The following GYS1 variants were observed in gnomAD, a reference collection of about 807,000 sequenced individuals.
The protein encoded by GYS1 is glycogen synthase 1.
A neutral mutation model predicts 89.1 loss-of-function variants in GYS1; 60 were observed. That is an observed-to-expected ratio of 0.67 (90% CI 0.55 to 0.84). The LOEUF is 0.84. Ranked by LOEUF, GYS1 falls within the 40% of genes least tolerant of loss-of-function variation. GYS1 has a pLI of 0.00. For synonymous variants in GYS1, 366 were observed against 401.7 expected (o/e 0.91, Z 1.06); for missense variants, 888 against 1,003.1 (o/e 0.89, Z 1.55).
At chr19:48,981,473 C>T (rs1195344414) in intron 8 of GYS1, 57 bp downstream of exon 8, 6 of 932,548 alleles carry the variant, frequency 6.4e-6, no homozygotes, top group Non-Finnish European at 9.0e-6. Context: ...AAACACAGGA[C>T]CCAAAGCATG....
intron 4 of GYS1, 46 bp from the exon 5 acceptor site, chr19:48,985,651 G>A: frequency 6.2e-7 from 1 of 1,607,114 alleles, no homozygotes; most frequent in Non-Finnish European, 8.5e-7. Flanking sequence ...TTGGGGAGAA[G>A]ACTCTGGAGG....
Position 48,969,230 on chromosome 19 carries a change from C to T in GYS1, c.*58G>A. Reference sequence around the variant, plus strand: ...GCGGGGGTTTAGGAGCAGCACCCCTCTGCATCCTCTCTCTGGAGCAGAGAG... The same window carrying T: ...GCGGGGGTTTAGGAGCAGCACCCCTTTGCATCCTCTCTCTGGAGCAGAGAG... On this transcript the variant is annotated 3_prime_UTR_variant, in exon 16 of 16. Transcript: ENST00000323798. 2 of 1,457,918 alleles carry T rather than the reference C, an allele frequency of 1.4e-6. No individual in the cohort carries two copies. The highest frequency in any genetic ancestry group is 1.8e-6 in the Non-Finnish European group (2 of 1,085,700). 90.3% of individuals were successfully genotyped at this position (1,457,918 alleles called of 1,614,324 possible).
rs2229612 is a variant in GYS1, at chr19:48,985,973, G to A, written c.555C>T (p.Gly185=). Residue 185 remains glycine, a synonymous_variant, in exon 4 of 16, where the codon GGC becomes GGT. Coordinates refer to ENST00000323798, the MANE Select transcript of GYS1 (RefSeq NM_002103.5). ...GGGCACGACACAGGCAGAGTCCAAC[G>A]CCTGCCAACCACTCATGGAAGTGAG... ...VVAHFHEWLA[G]VGLCLCRARR... is the part of the protein sequence containing the mutation. The A allele has an allele frequency of 1.5e-3, 2,367 of 1,614,146 alleles. 24 individuals carry two copies. Among genetic ancestry groups the A allele is most frequent in the African/African-American group, 5.8e-3 (433 of 75,050 alleles).
At chr19:48,969,919 T>G (rs2038531045) in intron 14 of GYS1, 64 bp from the exon 15 acceptor site, 1 of 1,109,276 alleles carries the variant, frequency 9.0e-7, no homozygotes. Flanking sequence ...AGGCAGATGA[T>G]GGGGGTCTTG....
intron 2 of GYS1, among the ~76,000 whole-genome samples, chr19:48,990,549 T>G (rs1335142488): frequency 6.6e-6 from 1 of 152,174 alleles, no homozygotes; most frequent in African/African-American, 2.4e-5. Context: ...GTAACAATAA[T>G]GACGATGATC....
At position 48,977,963 on chromosome 19, in the gene GYS1, T is replaced by C. The variant is rs1346169044; in HGVS notation, c.1269A>G (p.Glu423=). Residue 423 remains glutamate (E), a synonymous_variant, in exon 10 of 16, where the codon GAA becomes GAG. Coordinates refer to ENST00000323798, the MANE Select transcript of GYS1 (RefSeq NM_002103.5). ...TGGCTCTCTTCATCATAGTGAAGTC[T>C]TCCTTATCCAGCATCTTGTTCATGT... ...LPDMNKMLDK[E]DFTMMKRAIF... 5 of 1,613,930 alleles carry C rather than the reference T, an allele frequency of 3.1e-6. No individual in the cohort carries two copies. In the Admixed American group the frequency reaches 8.3e-5, roughly 27 times the overall value.
chr19:48,985,482 G>C lies in GYS1; in HGVS notation c.802C>G (p.His268Asp), dbSNP rs2122518752. 6.2e-7 allele frequency: 1 copy of C among 1,613,974 alleles called. No individual in the cohort carries two copies. Among genetic ancestry groups the C allele is most frequent in the East Asian group, 2.2e-5 (1 of 44,894 alleles). Residue 268 changes from histidine (H) to aspartate (D), a missense_variant, in exon 5 of 16, where the codon CAC becomes GAC. Transcript: ENST00000323798. ...VSQITAIEAQHLLKRKPDIVT... is the reference protein window; with the variant it reads ...VSQITAIEAQDLLKRKPDIVT... Reference sequence around the variant, plus strand: ...CTACCTGGTTTCCTCTTGAGCAAGTGCTGTGCCTCGATGGCGGTGATCTGG... The same window carrying C: ...CTACCTGGTTTCCTCTTGAGCAAGTCCTGTGCCTCGATGGCGGTGATCTGG...
At chr19:48,982,144 T>TG in intron 7 of GYS1, 111 bp downstream of exon 7, 1 of 1,113,594 alleles carries the variant, frequency 9.0e-7, no homozygotes, top group South Asian at 1.2e-5. Flanking sequence ...CCTCCCGCCT[T>TG]GGCCTCCAAA....
At chr19:48,978,704 G>A (rs1356828702) in intron 8 of GYS1, among the ~76,000 whole-genome samples, 1 of 150,176 alleles carries the variant, frequency 6.7e-6, no homozygotes, top group Admixed American at 6.6e-5. Context: ...GCTAATTTTT[G>A]TAACTTTAGT....
Position 48,991,019 on chromosome 19 carries a change from C to T in GYS1, c.300+283G>A, listed in dbSNP as rs532237126. 6.6e-6 allele frequency among the ~76,000 whole-genome samples: 1 copy of T among 152,324 alleles called. No homozygotes were observed. Among genetic ancestry groups the T allele is most frequent in the South Asian group, 2.1e-4 (1 of 4,822 alleles). On this transcript the variant is annotated intron_variant, in intron 2 of 15. Coordinates refer to ENST00000323798, the MANE Select transcript of GYS1 (RefSeq NM_002103.5). This position sits in a 1 kb window ranked among gnomAD's most constrained non-coding sequence, Gnocchi z 4.7. Reference sequence around the variant, plus strand: ...CATGTTGACCAGGCTGTCTTTCGATCTTGCTCTCTTTCTCTCTGGGTCTGA... The same window carrying T: ...CATGTTGACCAGGCTGTCTTTCGATTTTGCTCTCTTTCTCTCTGGGTCTGA...
chr19:48,973,552 A>G (rs1039200008), intron 12 of GYS1, among the ~76,000 whole-genome samples: 7 of 133,694 alleles, frequency 5.2e-5, no homozygotes, highest in Admixed American at 1.7e-4. Context: ...TCTGTCACCC[A>G]GAGCACAGCA....
In GYS1 at chr19:48,981,639, G is replaced by A. The variant is rs914623106; in HGVS notation, c.1063-3C>T. 1.9e-6 allele frequency: 3 copies of A among 1,597,376 alleles called. No individual in the cohort carries two copies. The highest frequency in any genetic ancestry group is 1.1e-5 in the South Asian group (1 of 90,730). ...ACTGTCTGCTCGCTGCCGTTCACCT[G>A]CGCAGAAAGAAAGGAGGGGGAGGCC... On this transcript the variant is annotated splice_region_variant and splice_polypyrimidine_tract_variant and intron_variant, in intron 7 of 15. Coordinates refer to ENST00000323798, the MANE Select transcript of GYS1 (RefSeq NM_002103.5).
intron 12 of GYS1, among the ~76,000 whole-genome samples, chr19:48,973,337 T>TA (rs397744301): frequency 5.3e-5 from 8 of 151,584 alleles, no homozygotes; most frequent in Non-Finnish European, 1.0e-4. Context: ...ATTTTTTTTT[T>TA]ATAGCGGTGT....
rs2038526132 is a variant in GYS1 at position 48,969,788 on chromosome 19, T to C, written c.1877A>G (p.Asn626Ser). Residue 626 changes from asparagine (N) to serine (S), a missense_variant, in exon 15 of 16, where the codon AAC becomes AGC. Physicochemically the swap from Asn to Ser is conservative, Grantham distance 46 (BLOSUM62 1). Coordinates refer to ENST00000323798, the MANE Select transcript of GYS1 (RefSeq NM_002103.5). ...AFPEHFTYEP[N>S]EADAAQGYRY... ...GGGTCCACTCACCGCATCCGCCTCGTTGGGCTCGTAGGTGAAGTGCTCTGG... is the reference window on the plus strand; with the variant it reads ...GGGTCCACTCACCGCATCCGCCTCGCTGGGCTCGTAGGTGAAGTGCTCTGG... 3 of 1,613,798 alleles carry C rather than the reference T, an allele frequency of 1.9e-6. No individual in the cohort carries two copies. The highest frequency in any genetic ancestry group is 4.5e-5 in the East Asian group (2 of 44,892).
In GYS1 at chr19:48,970,179, A is replaced by C. The variant is rs1291023742; in HGVS notation, c.1810-324T>G. 6.4e-6 allele frequency: 3 copies of C among 467,616 alleles called. No individual in the cohort carries two copies. In the East Asian group the frequency reaches 1.3e-4, roughly 20 times the overall value. 29.0% of individuals were successfully genotyped at this position (467,616 alleles called of 1,614,324 possible). A position where few individuals can be genotyped will look rare whatever the true frequency, so the allele number is the denominator to read the frequency against. On this transcript the variant is annotated intron_variant, in intron 14 of 15. Coordinates refer to ENST00000323798, the MANE Select transcript of GYS1 (RefSeq NM_002103.5). ...GTTCTGTTACTCTAGGATGGAGTGC[A>C]GTGGGTTTGAACAAGGCTCACTGCA...
rs1568628315 is a variant in GYS1, at chr19:48,993,086, C to T, written c.27G>A (p.Met9Ile). The T allele has an allele frequency of 6.2e-7, 1 of 1,611,914 alleles. No homozygotes were observed. Among genetic ancestry groups the T allele is most frequent in the East Asian group, 2.2e-5 (1 of 44,858 alleles). Residue 9 changes from methionine to isoleucine, a missense_variant, in exon 1 of 16, where the codon ATG becomes ATA. Transcript: ENST00000323798. ...AGTCCTCCAGTCCTGGCAGTGAGGACATGGACAAAGTGCGGTTTAAAGGCA... is the reference window on the plus strand; with the variant it reads ...AGTCCTCCAGTCCTGGCAGTGAGGATATGGACAAAGTGCGGTTTAAAGGCA... MPLNRTLS[M>I]SSLPGLEDWE...
intron 5 of GYS1, among the ~76,000 whole-genome samples, chr19:48,983,251 A>T (rs1208078146): frequency 2.6e-5 from 4 of 152,120 alleles, no homozygotes; most frequent in Non-Finnish European, 4.4e-5. Context: ...CTGGCCTCCT[A>T]AAGTGCTGGG....
chr19:48,975,094 T>A (rs11668492), intron 10 of GYS1, among the ~76,000 whole-genome samples: 1 of 151,808 alleles, frequency 6.6e-6, no homozygotes, highest in African/African-American at 2.4e-5. Flanking sequence ...CCACGCCCGG[T>A]TAATTTTTTG....
At chr19:48,985,687 A>G (rs2038831821) in intron 4 of GYS1, 82 bp from the exon 5 acceptor site, 4 of 1,559,636 alleles carry the variant, frequency 2.6e-6, no homozygotes, top group Non-Finnish European at 3.5e-6. Context: ...CCCAAGAGAA[A>G]TTGGTGCTGG....
Sources: allele counts gnomAD v4.1 joint callset (sites outside exome capture counted in the v4.1 genomes callset), GRCh38; gene constraint gnomAD v4.1.1; non-coding constraint Gnocchi (gnomAD v3.1); transcripts MANE v1.5; gene names NCBI Gene and HGNC (gene_info 2026-07-23, HGNC 2026-07-21).